CCBE1: variants seen among roughly 807,000 people sequenced by gnomAD.
CCBE1 encodes the protein collagen and calcium binding EGF domains 1, also known as collagen and calcium-binding EGF domain-containing protein 1.
A neutral mutation model predicts 50.0 loss-of-function variants in CCBE1; 37 were observed. The observed-to-expected ratio is 0.74, with a 90% CI of 0.57 to 0.97. The LOEUF (loss-of-function observed/expected upper bound fraction) is 0.97. CCBE1 is among the 50% of genes least tolerant of loss of function. CCBE1 has a pLI of 0.00. For missense variants in CCBE1, 538 were observed against 523.8 expected, an observed-to-expected ratio of 1.03 and a Z score of -0.26; for synonymous variants, 234 against 203.7, an observed-to-expected ratio of 1.15 and a Z score of -1.27.
intron 2 of CCBE1, among the ~76,000 whole-genome samples, chr18:59,550,897 C>T (rs1915887222): frequency 6.7e-6 from 1 of 148,992 alleles, no homozygotes; most frequent in Non-Finnish European, 1.5e-5. Context: ...CTCAGCTACT[C>T]TAGAGGCTGA....
chr18:59,533,679 G>T (rs1348474357), intron 2 of CCBE1, among the ~76,000 whole-genome samples: 2 of 152,060 alleles, frequency 1.3e-5, no homozygotes, highest in African/African-American at 4.8e-5. Flanking sequence ...TATCATCCAC[G>T]TTAAAAACAG....
At chr18:59,473,740 T>C in intron 3 of CCBE1, among the ~76,000 whole-genome samples, 1 of 32,588 alleles carries the variant, frequency 3.1e-5, no homozygotes, top group East Asian at 1.2e-3. Context: ...TCCCACTATT[T>C]CCTCCCCCAC....
chr18:59,552,665 A>G (rs1342135839), intron 2 of CCBE1, among the ~76,000 whole-genome samples: 2 of 152,226 alleles, frequency 1.3e-5, no homozygotes, highest in South Asian at 2.1e-4. Flanking sequence ...TGTGGGAAGT[A>G]GTCTAAATAA....
intron 2 of CCBE1, among the ~76,000 whole-genome samples, chr18:59,639,061 C>T (rs2053950628): frequency 6.6e-6 from 1 of 152,064 alleles, no homozygotes; most frequent in Non-Finnish European, 1.5e-5. Context: ...TCTGCTTGGG[C>T]CCAGGAGTTT....
At chr18:59,439,634 AT>A (rs749261101) in intron 8 of CCBE1, 42 bp downstream of exon 8, 2 of 1,614,176 alleles carry the variant, frequency 1.2e-6, no homozygotes, top group Non-Finnish European at 1.7e-6. Flanking sequence ...ACAAAAACAC[AT>A]TTTCCCCCAA....
chr18:59,569,601 G>A lies in CCBE1; in HGVS notation c.213-89363C>T, dbSNP rs533457302. Among the ~76,000 whole-genome samples the A allele has an allele frequency of 1.2e-3, 184 of 149,708 alleles. No homozygotes were observed. In the Middle Eastern group the frequency reaches 0.014, roughly 11 times the overall value. On this transcript the variant is annotated intron_variant, in intron 2 of 10. Coordinates refer to ENST00000439986, the MANE Select transcript of CCBE1 (RefSeq NM_133459.4). ...TTTTTACACAATGTTGAACACAGATGTTATTTTTAGCAATTCATCTCCCCC... is the reference window on the plus strand; with the variant it reads ...TTTTTACACAATGTTGAACACAGATATTATTTTTAGCAATTCATCTCCCCC...
intron 2 of CCBE1, among the ~76,000 whole-genome samples, chr18:59,578,930 C>G (rs1020678368): frequency 2.6e-5 from 4 of 151,996 alleles, no homozygotes; most frequent in Admixed American, 1.3e-4. Flanking sequence ...CACATGTATC[C>G]CAGGACTTAA....
chr18:59,503,878 C>A (rs1448696678), intron 2 of CCBE1, among the ~76,000 whole-genome samples: 38 of 152,206 alleles, frequency 2.5e-4, no homozygotes. Flanking sequence ...TCACACCTTA[C>A]TCTCCACCTA....
At chr18:59,668,677 C>T (rs893666631) in intron 2 of CCBE1, among the ~76,000 whole-genome samples, 8 of 152,230 alleles carry the variant, frequency 5.3e-5, no homozygotes, top group South Asian at 2.1e-4. Flanking sequence ...TGCCTCTTTG[C>T]ACATCCTTAA....
intron 2 of CCBE1, among the ~76,000 whole-genome samples, chr18:59,487,788 C>T (rs529855225): frequency 3.9e-5 from 6 of 152,264 alleles, no homozygotes; most frequent in African/African-American, 1.4e-4. Context: ...AATATAGTGA[C>T]ACCTGAAAAA....
intron 2 of CCBE1, among the ~76,000 whole-genome samples, chr18:59,629,247 G>C (rs1422776771): frequency 1.3e-5 from 2 of 152,102 alleles, no homozygotes; most frequent in Non-Finnish European, 1.5e-5. Context: ...CTTCTTCCCA[G>C]AATCATCTTC....
At chr18:59,547,086 A>AAAGAGAGGGAGGTAGG (rs1915728530) in intron 2 of CCBE1, among the ~76,000 whole-genome samples, 1 of 110,310 alleles carries the variant, frequency 9.1e-6, no homozygotes. Context: ...AGAGAAAGGG[A>AAAGAGAGGGAGGTAGG]GAGAGAGGGA....
At chr18:59,511,811 G>A (rs533309312) in intron 2 of CCBE1, among the ~76,000 whole-genome samples, 2 of 152,288 alleles carry the variant, frequency 1.3e-5, no homozygotes, top group Admixed American at 6.5e-5. Flanking sequence ...TATAGCTGAT[G>A]TAGCCATTTG....
intron 3 of CCBE1, among the ~76,000 whole-genome samples, chr18:59,470,658 A>T (rs1313360500): frequency 6.6e-6 from 1 of 152,150 alleles, no homozygotes; most frequent in African/African-American, 2.4e-5. Context: ...CTATGAACTG[A>T]TATGTAATGA....
chr18:59,510,533 T>C (rs747042505), intron 2 of CCBE1, among the ~76,000 whole-genome samples: 9 of 152,160 alleles, frequency 5.9e-5, no homozygotes, highest in Non-Finnish European at 1.2e-4. Context: ...GTGATTCTCC[T>C]GTCTCAGCGT....
rs978748817 is a variant in CCBE1, at chr18:59,573,279, C to T, written c.213-93041G>A. On this transcript the variant is annotated intron_variant, in intron 2 of 10. Transcript: ENST00000439986. ...CAGCCTGGGCAATATAGTGAGACTCCGTCTAATATATATATATATATATGT... is the reference window on the plus strand; with the variant it reads ...CAGCCTGGGCAATATAGTGAGACTCTGTCTAATATATATATATATATATGT... Among the ~76,000 whole-genome samples the T allele has an allele frequency of 4.3e-4, 17 of 39,228 alleles. 1 individual carries two copies. The highest frequency in any genetic ancestry group is 1.8e-3 in the African/African-American group (13 of 7,372). 25.7% of individuals were successfully genotyped at this position (39,228 alleles called of 152,430 possible).
chr18:59,655,332 C>A (rs1455353568), intron 2 of CCBE1, among the ~76,000 whole-genome samples: 1 of 152,176 alleles, frequency 6.6e-6, no homozygotes, highest in Non-Finnish European at 1.5e-5. Flanking sequence ...GAGAGCCAGT[C>A]CCTGAGCACA....
intron 2 of CCBE1, among the ~76,000 whole-genome samples, chr18:59,587,777 A>G (rs1015812908): frequency 1.7e-4 from 26 of 152,260 alleles, no homozygotes; most frequent in African/African-American, 6.0e-4. Flanking sequence ...ATTATAAAAC[A>G]GAACCCAAAA....
intron 2 of CCBE1, among the ~76,000 whole-genome samples, chr18:59,647,939 A>G (rs2054076936): frequency 6.6e-6 from 1 of 152,248 alleles, no homozygotes; most frequent in Non-Finnish European, 1.5e-5. Flanking sequence ...CCGAAACTAC[A>G]AAATATTGGG....
Sources: gnomAD v4.1 joint callset for allele counts (sites outside exome capture counted in the v4.1 genomes callset) on GRCh38, gnomAD v4.1.1 for gene constraint, MANE v1.5 for transcripts, NCBI Gene and HGNC (gene_info 2026-07-23, HGNC 2026-07-21) for gene names.